Variants in RANBP9 observed in about 807,000 individuals in gnomAD.
RANBP9 encodes the protein RAN binding protein 9, also known as ran-binding protein 9.
RANBP9 carries 15 observed loss-of-function variants against 84.3 expected under a neutral mutation model. The ratio of observed to expected loss-of-function variants is 0.18; its 90% CI spans 0.12 to 0.27. The LOEUF is 0.27. RANBP9 is among the 10% of genes least tolerant of loss of function. RANBP9 has a pLI of 1.00. For synonymous variants in RANBP9, 392 were observed against 349.6 expected (o/e 1.12, Z -1.35); for missense variants, 809 against 912.8 (o/e 0.89, Z 1.46).
rs182731979 is a variant in RANBP9, at chr6:13,624,776, C to T, written c.2059+877G>A. ...AAGCCTCGCCTTTTAAATTGCTTTT[C>T]TCTTCCTCACCCACCCTTTTTATTG... is the stretch of plus-strand genomic sequence containing the variant. On this transcript the variant is annotated intron_variant, in intron 13 of 13. Coordinates refer to ENST00000011619, the MANE Select transcript of RANBP9 (RefSeq NM_005493.3). Among the ~76,000 whole-genome samples, 494 of 152,324 alleles carry T rather than the reference C, an allele frequency of 3.2e-3. 2 individuals carry two copies. The highest frequency in any genetic ancestry group is 0.01 in the African/African-American group (428 of 41,562).
Position 13,625,814 on chromosome 6 carries a change from T to G in RANBP9, c.1948-50A>C, listed in dbSNP as rs368859378. On this transcript the variant is annotated intron_variant, in intron 12 of 13. Coordinates refer to ENST00000011619, the MANE Select transcript of RANBP9 (RefSeq NM_005493.3). Reference sequence around the variant, plus strand: ...TTTAATTCAAATAGTTCAACTATTATGCTCACAAATGTTTCCAAGTTGAGA... The same window carrying G: ...TTTAATTCAAATAGTTCAACTATTAGGCTCACAAATGTTTCCAAGTTGAGA... 163 of 1,286,008 alleles carry G rather than the reference T, an allele frequency of 1.3e-4. No individual in the cohort carries two copies. In the African/African-American group the frequency reaches 2.2e-3, roughly 18 times the overall value. 79.7% of individuals were successfully genotyped at this position (1,286,008 alleles called of 1,614,324 possible).
rs904413822 is a variant in RANBP9 at position 13,674,916 on chromosome 6, T to C, written c.684-16084A>G. Among the ~76,000 whole-genome samples, 17 of 151,352 alleles carry C rather than the reference T, an allele frequency of 1.1e-4. No individual in the cohort carries two copies. The South Asian group carries it at 3.3e-3, about 29-fold the overall frequency. On this transcript the variant is annotated intron_variant, in intron 2 of 13. Coordinates refer to ENST00000011619, the MANE Select transcript of RANBP9 (RefSeq NM_005493.3). Reference sequence around the variant, plus strand: ...GTCTCATAATGATGGTCTCAAGTAGTAACAGTAATAACTGTCTCAGTGACA... The same window carrying C: ...GTCTCATAATGATGGTCTCAAGTAGCAACAGTAATAACTGTCTCAGTGACA...
rs146117784 is a variant in RANBP9 at position 13,651,285 on chromosome 6, C to T, written c.927+1374G>A. 3.8e-3 allele frequency among the ~76,000 whole-genome samples: 577 copies of T among 152,204 alleles called. 3 individuals are homozygous for T. The highest frequency in any genetic ancestry group is 0.014 in the African/African-American group (562 of 41,538). On this transcript the variant is annotated intron_variant, in intron 5 of 13. Coordinates refer to ENST00000011619, the MANE Select transcript of RANBP9 (RefSeq NM_005493.3). Reference sequence around the variant, plus strand: ...AAGATACGTGGAATCAAACCTCTACCGAAGAGAGTTACTGTAACCCCTTGC... The same window carrying T: ...AAGATACGTGGAATCAAACCTCTACTGAAGAGAGTTACTGTAACCCCTTGC...
intron 9 of RANBP9, 57 bp downstream of exon 9, chr6:13,639,506 A>C: frequency 6.7e-7 from 1 of 1,497,782 alleles, no homozygotes; most frequent in Non-Finnish European, 9.2e-7. Flanking sequence ...AAAAGGAAAA[A>C]GGTTTAAGAT....
chr6:13,698,789 A>C (rs1310438157), intron 1 of RANBP9, among the ~76,000 whole-genome samples: 2 of 152,172 alleles, frequency 1.3e-5, no homozygotes, highest in Non-Finnish European at 2.9e-5. Context: ...AAGATAATGA[A>C]ACTCGCCCAA....
In RANBP9 at chr6:13,639,666, A is replaced by G. The variant is rs1029371948; in HGVS notation, c.1422T>C (p.Tyr474=). The change falls in exon 9 of 14, where the codon TAT becomes TAC. Residue 474 remains tyrosine (Y), a synonymous_variant. Transcript: ENST00000011619. Reference sequence around the variant, plus strand: ...TACTAAAAGGTCGAGGACTAACAGGATAACTGTCTTGAGACTTTGGACTTC... The same window carrying G: ...TACTAAAAGGTCGAGGACTAACAGGGTAACTGTCTTGAGACTTTGGACTTC... ...GGRSPKSQDS[Y]PVSPRPFSSP... 10 of 1,613,252 alleles carry G rather than the reference A, an allele frequency of 6.2e-6. No homozygotes were observed. The highest frequency in any genetic ancestry group is 1.3e-5 in the African/African-American group (1 of 75,032).
intron 2 of RANBP9, among the ~76,000 whole-genome samples, chr6:13,688,003 A>G (rs1766230421): frequency 6.6e-6 from 1 of 152,220 alleles, no homozygotes; most frequent in Non-Finnish European, 1.5e-5. Context: ...CAGCAGCAAG[A>G]AGACACGAGT....
intron 5 of RANBP9, among the ~76,000 whole-genome samples, chr6:13,651,651 C>T (rs985481857): frequency 5.9e-5 from 9 of 152,004 alleles, no homozygotes; most frequent in Admixed American, 3.3e-4. Flanking sequence ...CCGCCCACCT[C>T]GGCCTCCCTA....
In RANBP9 at chr6:13,698,625, G is replaced by A. The variant is rs146155610; in HGVS notation, c.572-1729C>T. ...CTTTTAGTGATAAAGTAATCCCAAA[G>A]TATTCTTAATAACAAATAATAGTTA... On this transcript the variant is annotated intron_variant, in intron 1 of 13. Coordinates refer to ENST00000011619, the MANE Select transcript of RANBP9 (RefSeq NM_005493.3). Among the ~76,000 whole-genome samples, 422 of 152,204 alleles carry A rather than the reference G, an allele frequency of 2.8e-3. 2 individuals are homozygous for A. Among genetic ancestry groups the A allele is most frequent in the African/African-American group, 9.6e-3 (400 of 41,534 alleles).
intron 1 of RANBP9, among the ~76,000 whole-genome samples, chr6:13,710,037 T>C (rs901465455): frequency 3.3e-5 from 5 of 152,320 alleles, no homozygotes; most frequent in East Asian, 3.9e-4. Context: ...TGCTATTAAA[T>C]TGGGCTACAT....
At chr6:13,658,745 T>G in intron 3 of RANBP9, 35 bp downstream of exon 3, 1 of 1,498,662 alleles carries the variant, frequency 6.7e-7, no homozygotes, top group Non-Finnish European at 9.3e-7. Flanking sequence ...GAGCTACTCA[T>G]AAGACATAAT....
chr6:13,642,793 C>G (rs1324343383), intron 6 of RANBP9, among the ~76,000 whole-genome samples: 7 of 152,142 alleles, frequency 4.6e-5, no homozygotes, highest in Admixed American at 3.3e-4. Context: ...GAAAAGATAA[C>G]TGCAAATGCT....
chr6:13,628,868 T>G (rs1355460345), intron 12 of RANBP9, among the ~76,000 whole-genome samples: 2 of 152,254 alleles, frequency 1.3e-5, no homozygotes, highest in African/African-American at 4.8e-5. Context: ...CCTTCATTAC[T>G]GCTGGTAAAA....
At chr6:13,669,774 G>A (rs1765731807) in intron 2 of RANBP9, among the ~76,000 whole-genome samples, 1 of 151,904 alleles carries the variant, frequency 6.6e-6, no homozygotes, top group Non-Finnish European at 1.5e-5. Context: ...CGCATTTTTT[G>A]TACAGACAGG....
At chr6:13,657,690 T>C (rs770313309) in intron 3 of RANBP9, among the ~76,000 whole-genome samples, 21 of 152,198 alleles carry the variant, frequency 1.4e-4, no homozygotes, top group Non-Finnish European at 3.1e-4. Context: ...CTCAAGACTG[T>C]GATCCAAATA....
At chr6:13,654,214 C>G (rs947237022) in intron 4 of RANBP9, among the ~76,000 whole-genome samples, 1 of 152,064 alleles carries the variant, frequency 6.6e-6, no homozygotes, top group Non-Finnish European at 1.5e-5. Flanking sequence ...TTTGCTCAAT[C>G]AGACCACGAA....
intron 3 of RANBP9, 72 bp downstream of exon 3, chr6:13,658,708 T>G (rs1054473339): frequency 3.2e-6 from 4 of 1,234,078 alleles, no homozygotes; most frequent in South Asian, 1.3e-5. Context: ...ATATTACAAT[T>G]TCTTACTTGA....
chr6:13,679,687 T>C (rs1765983842), intron 2 of RANBP9, among the ~76,000 whole-genome samples: 1 of 152,288 alleles, frequency 6.6e-6, no homozygotes, highest in Non-Finnish European at 1.5e-5. Context: ...AAATAAAAAG[T>C]AGCAACTTTA....
At chr6:13,625,630 G>A in intron 13 of RANBP9, 23 bp downstream of exon 13, 1 of 1,504,058 alleles carries the variant, frequency 6.6e-7, no homozygotes, top group Non-Finnish European at 9.2e-7. Context: ...AACTGAAATT[G>A]TGCCTTATTT....
Sources: gnomAD v4.1 joint callset for allele counts (sites outside exome capture counted in the v4.1 genomes callset) on GRCh38, gnomAD v4.1.1 for gene constraint, MANE v1.5 for transcripts, NCBI Gene and HGNC (gene_info 2026-07-23, HGNC 2026-07-21) for gene names.